TRAPPC8: variants seen among roughly 807,000 people sequenced by gnomAD.
The protein encoded by TRAPPC8 is trafficking protein particle complex subunit 8.
Under a neutral mutation model 174.3 loss-of-function variants are expected in TRAPPC8, and 54 were observed. The observed-to-expected ratio is 0.31, with a 90% CI of 0.25 to 0.39. The LOEUF (loss-of-function observed/expected upper bound fraction) is 0.39. Among genes scored for constraint, TRAPPC8 ranks in the 10% least tolerant of loss-of-function variants. TRAPPC8 has a pLI of 1.00. For missense variants in TRAPPC8, 1,531 were observed against 1,699.1 expected (o/e 0.90, Z 1.74); for synonymous variants, 630 against 579.9 (o/e 1.09, Z -1.24).
At chr18:31,839,275 T>C (rs1173668441) in intron 27 of TRAPPC8, 37 bp downstream of exon 27, 2 of 1,579,764 alleles carry the variant, frequency 1.3e-6, no homozygotes, top group Non-Finnish European at 1.7e-6. Context: ...TGCCAGTGTG[T>C]TGTAGAAAAT....
intron 14 of TRAPPC8, 88 bp downstream of exon 14, chr18:31,873,342 A>G: frequency 9.0e-7 from 1 of 1,111,198 alleles, no homozygotes; most frequent in South Asian, 1.4e-5. Flanking sequence ...CAAATATTCA[A>G]CTATACATCG....
At chr18:31,884,920 A>C (rs191452938) in intron 12 of TRAPPC8, among the ~76,000 whole-genome samples, 1,531 of 150,006 alleles carry the variant, frequency 0.01, 28 homozygotes, top group African/African-American at 0.035. Context: ...GTGGCGCGAT[A>C]TCAGCTCACT....
chr18:31,932,263 T>C (rs2037878998), intron 1 of TRAPPC8, among the ~76,000 whole-genome samples: 1 of 151,832 alleles, frequency 6.6e-6, no homozygotes, highest in South Asian at 2.1e-4. Context: ...TTGTCTCTAG[T>C]AAAAATACAA....
At chr18:31,871,984 T>G (rs890909644) in intron 14 of TRAPPC8, among the ~76,000 whole-genome samples, 1 of 152,120 alleles carries the variant, frequency 6.6e-6, no homozygotes, top group Non-Finnish European at 1.5e-5. Context: ...ATATAAAATA[T>G]ATTTGTATAG....
chr18:31,934,840 C>A (rs2038011332), intron 1 of TRAPPC8, among the ~76,000 whole-genome samples: 1 of 151,332 alleles, frequency 6.6e-6, no homozygotes, highest in African/African-American at 2.4e-5. Context: ...GTACTCCAGC[C>A]TGGGCAATGA....
In TRAPPC8 at chr18:31,901,096, A is replaced by G; in HGVS notation, c.1390-71T>C. On this transcript the variant is annotated intron_variant, in intron 9 of 28. Coordinates refer to ENST00000283351, the MANE Select transcript of TRAPPC8 (RefSeq NM_014939.5). ...CTTACAGTTTAGATGGGAAACTAAA[A>G]GTTGGAATGAAATTTGCTGTTTTTT... 3 of 1,360,740 alleles carry G rather than the reference A, an allele frequency of 2.2e-6. No homozygotes were observed. The South Asian group carries it at 4.0e-5, about 18-fold the overall frequency. The allele number at this position is 1,360,740 out of a possible 1,614,324, so 84.3% of individuals were successfully genotyped here.
At chr18:31,917,756 T>C in intron 2 of TRAPPC8, 89 bp from the exon 3 acceptor site, 2 of 1,181,562 alleles carry the variant, frequency 1.7e-6, no homozygotes, top group South Asian at 1.4e-5. Flanking sequence ...TCCTAAAAGG[T>C]ATAAAAAAAA....
chr18:31,922,309 G>A (rs185666560), intron 2 of TRAPPC8, among the ~76,000 whole-genome samples: 39 of 152,276 alleles, frequency 2.6e-4, no homozygotes, highest in Middle Eastern at 3.4e-3. Flanking sequence ...CTGGTAGCTT[G>A]TGGCTGGGCG....
At chr18:31,863,274 G>A (rs2034424271) in intron 19 of TRAPPC8, among the ~76,000 whole-genome samples, 1 of 152,128 alleles carries the variant, frequency 6.6e-6, no homozygotes, top group Admixed American at 6.5e-5. Flanking sequence ...CTGAAGAAAA[G>A]TGCAATTTAC....
chr18:31,837,111 G>A (rs1288628420), intron 27 of TRAPPC8, among the ~76,000 whole-genome samples: 1 of 152,018 alleles, frequency 6.6e-6, no homozygotes, highest in Non-Finnish European at 1.5e-5. Context: ...GCATACATCT[G>A]TATCAGAGAA....
intron 19 of TRAPPC8, among the ~76,000 whole-genome samples, chr18:31,863,863 C>G (rs1485008299): frequency 6.6e-6 from 1 of 151,902 alleles, no homozygotes; most frequent in Non-Finnish European, 1.5e-5. Context: ...CTGAAAATTG[C>G]TGGACTAGGG....
At chr18:31,919,538 AAAT>A (rs1314418744) in intron 2 of TRAPPC8, among the ~76,000 whole-genome samples, 2 of 13,490 alleles carry the variant, frequency 1.5e-4, no homozygotes, top group Non-Finnish European at 1.5e-4. Context: ...GTCTCAAAAT[AAAT>A]AAATAAATAA....
At chr18:31,856,807 C>CTTTTTTT (rs79712667) in intron 20 of TRAPPC8, among the ~76,000 whole-genome samples, 4 of 109,940 alleles carry the variant, frequency 3.6e-5, no homozygotes, top group African/African-American at 8.1e-5. Flanking sequence ...ATGCTAAAAT[C>CTTTTTTT]TTTTTTTTTT....
At chr18:31,879,642 T>G (rs944753012) in intron 12 of TRAPPC8, among the ~76,000 whole-genome samples, 4 of 151,810 alleles carry the variant, frequency 2.6e-5, no homozygotes, top group African/African-American at 9.7e-5. Flanking sequence ...TAAATGAAAT[T>G]GAGACCAAAG....
rs753654943 is a variant in TRAPPC8, at chr18:31,916,455, C to A, written c.443-9G>T. ...TGACGCTACCAACATACCTTGTAAA[C>A]CATATTATTAAGGTAATTATCGCTT... On this transcript the variant is annotated splice_polypyrimidine_tract_variant and intron_variant, in intron 3 of 28. Coordinates refer to ENST00000283351, the MANE Select transcript of TRAPPC8 (RefSeq NM_014939.5). 3 of 1,601,646 alleles carry A rather than the reference C, an allele frequency of 1.9e-6. No individual in the cohort carries two copies. Among genetic ancestry groups the A allele is most frequent in the Middle Eastern group, 1.7e-4 (1 of 6,006 alleles).
intron 2 of TRAPPC8, among the ~76,000 whole-genome samples, chr18:31,920,595 A>AT (rs148368139): frequency 0.088 from 13,381 of 151,736 alleles, 838 homozygotes; most frequent in East Asian, 0.33. Context: ...GAGCTCAGGA[A>AT]TTTGAGACTA....
Position 31,942,737 on chromosome 18 carries a change from C to T in TRAPPC8, c.28G>A (p.Glu10Lys). The T allele has an allele frequency of 6.3e-7, 1 of 1,592,024 alleles. No homozygotes were observed. The highest frequency in any genetic ancestry group is 8.5e-7 in the Non-Finnish European group (1 of 1,169,962). Residue 10 changes from glutamate to lysine, a missense_variant, in exon 1 of 29, where the codon GAG becomes AAG. Physicochemically the swap from Glu to Lys is moderately conservative, Grantham distance 56 (BLOSUM62 1). Coordinates refer to ENST00000283351, the MANE Select transcript of TRAPPC8 (RefSeq NM_014939.5). Reference protein sequence around the residue: MAQCVQSVQELIPDSFVPCV... With the variant: MAQCVQSVQKLIPDSFVPCV... ...GGGACGAAGGAGTCCGGGATTAGCT[C>T]CTGCACTGATTGTACACACTGGGCC... is the stretch of plus-strand genomic sequence containing the variant.
rs545735809 is a variant in TRAPPC8 at position 31,888,849 on chromosome 18, A to C, written c.1728+1886T>G. Among the ~76,000 whole-genome samples the C allele has an allele frequency of 1.2e-3, 187 of 152,300 alleles. 1 individual carries two copies. The highest frequency in any genetic ancestry group is 2.3e-3 in the Non-Finnish European group (154 of 68,022). On this transcript the variant is annotated intron_variant, in intron 12 of 28. Coordinates refer to ENST00000283351, the MANE Select transcript of TRAPPC8 (RefSeq NM_014939.5). ...AGGTGATGTGTTGATGGGTGCAGCA[A>C]ACCACCATGGCACACGTTTACCTAT...
Position 31,830,507 on chromosome 18 carries a change from C to T in TRAPPC8, c.*248G>A. ...TTAAGATGGGGCTTAATAAGGTGCA[C>T]AAATATGCTGATATCCTGTATTATG... On this transcript the variant is annotated 3_prime_UTR_variant, in exon 29 of 29. Coordinates refer to ENST00000283351, the MANE Select transcript of TRAPPC8 (RefSeq NM_014939.5). 1 of 452,406 alleles carries T rather than the reference C, an allele frequency of 2.2e-6. No individual in the cohort carries two copies. Among genetic ancestry groups the T allele is most frequent in the South Asian group, 3.5e-5 (1 of 28,806 alleles). The allele number at this position is 452,406 out of a possible 1,614,324, so 28.0% of individuals were successfully genotyped here. A position where few individuals can be genotyped will look rare whatever the true frequency, so the allele number is the denominator to read the frequency against.
Sources: gnomAD v4.1 joint callset for allele counts (sites outside exome capture counted in the v4.1 genomes callset) on GRCh38, gnomAD v4.1.1 for gene constraint, MANE v1.5 for transcripts, NCBI Gene and HGNC (gene_info 2026-07-23, HGNC 2026-07-21) for gene names.